The following BANP variants were observed in gnomAD, a reference collection of about 807,000 sequenced individuals.
BANP encodes BTG3 associated nuclear protein, also known as protein BANP.
In BANP, 11 loss-of-function variants were observed where a neutral mutation model predicts 68.1. The observed-to-expected ratio is 0.16, with a 90% CI of 0.10 to 0.27. BANP has a LOEUF of 0.27. BANP is among the 10% of genes least tolerant of loss of function. The probability of loss-of-function intolerance (pLI) is 1.00; values close to 1 mark genes in which losing one functional copy is unlikely to be tolerated. For synonymous variants in BANP, 329 were observed against 303.2 expected (o/e 1.09, Z -0.88); for missense variants, 504 against 722.7 (o/e 0.70, Z 3.47).
intron 9 of BANP, among the ~76,000 whole-genome samples, chr16:88,034,684 C>T (rs992500016): frequency 1.1e-4 from 16 of 152,234 alleles, no homozygotes; most frequent in Middle Eastern, 3.4e-3. Flanking sequence ...TTTCTATTTC[C>T]CCTCTTTTCT....
At chr16:87,972,579 A>G (rs1191402238) in intron 1 of BANP, among the ~76,000 whole-genome samples, 1 of 152,060 alleles carries the variant, frequency 6.6e-6, no homozygotes, top group African/African-American at 2.4e-5. Context: ...TCATTTTTAT[A>G]TGATTTTTGC....
At chr16:87,991,077 G>C (rs2065790060) in intron 4 of BANP, among the ~76,000 whole-genome samples, 1 of 152,190 alleles carries the variant, frequency 6.6e-6, no homozygotes, top group Non-Finnish European at 1.5e-5. Context: ...CATACTTTAA[G>C]TGACCTAATA....
At chr16:87,962,083 A>T (rs541140382) in intron 1 of BANP, among the ~76,000 whole-genome samples, 1 of 151,334 alleles carries the variant, frequency 6.6e-6, no homozygotes, top group Non-Finnish European at 1.5e-5. Flanking sequence ...TACTAAAAAT[A>T]CAAAAAATTA....
chr16:87,996,830 C>T (rs1054665112), intron 4 of BANP, among the ~76,000 whole-genome samples: 2 of 152,214 alleles, frequency 1.3e-5, no homozygotes, highest in African/African-American at 4.8e-5. Context: ...TGTAATAAAA[C>T]ATGGCAAACA....
chr16:88,070,902 T>C (rs899159739), intron 12 of BANP, among the ~76,000 whole-genome samples: 4 of 152,278 alleles, frequency 2.6e-5, no homozygotes, highest in Admixed American at 1.3e-4. Flanking sequence ...AAAAGGCTTG[T>C]CTTCTAGCAT....
intron 11 of BANP, among the ~76,000 whole-genome samples, chr16:88,041,498 A>G (rs552961383): frequency 1.2e-4 from 18 of 152,348 alleles, no homozygotes; most frequent in African/African-American, 4.3e-4. Context: ...AGTAGAAAAT[A>G]TGAAGAATCG....
chr16:87,969,534 C>CTT (rs71156276), intron 1 of BANP, among the ~76,000 whole-genome samples: 1,801 of 138,978 alleles, frequency 0.013, 31 homozygotes, highest in African/African-American at 0.027. Flanking sequence ...TCGAGATTGA[C>CTT]TTTTTTTTTT....
rs78951802 is a variant in BANP, at chr16:87,997,369, A to G, written c.363-6926A>G. The stretch of plus-strand genomic sequence containing the variant: ...AGGATCATTGCTGTTCTTGTCCAGC[A>G]AGTGACTAAAAGCATGAGAAATACT... On this transcript the variant is annotated intron_variant, in intron 4 of 13. Coordinates refer to ENST00000682872, the MANE Select transcript of BANP (RefSeq NM_001386991.1). Among the ~76,000 whole-genome samples, 710 of 152,402 alleles carry G rather than the reference A, an allele frequency of 4.7e-3. 6 individuals are homozygous for G. The highest frequency in any genetic ancestry group is 0.017 in the African/African-American group (689 of 41,598).
At chr16:88,054,694 C>T (rs1054746612) in intron 11 of BANP, among the ~76,000 whole-genome samples, 5 of 152,194 alleles carry the variant, frequency 3.3e-5, no homozygotes, top group African/African-American at 9.7e-5. Context: ...CTCTTCCTGT[C>T]GAGACTGAAA....
chr16:88,032,399 A>T (rs898962445), intron 8 of BANP, among the ~76,000 whole-genome samples: 29 of 151,908 alleles, frequency 1.9e-4, no homozygotes, highest in African/African-American at 7.0e-4. Flanking sequence ...ATGGGGTTTC[A>T]CCATGTTGGC....
intron 7 of BANP, among the ~76,000 whole-genome samples, chr16:88,023,018 C>G (rs999473453): frequency 6.6e-6 from 1 of 152,176 alleles, no homozygotes; most frequent in Non-Finnish European, 1.5e-5. Flanking sequence ...CACGGGTGGT[C>G]AGGTGCTGTC....
Position 88,064,912 on chromosome 16 carries a change from A to G in BANP, c.1312-355A>G, listed in dbSNP as rs543536823. On this transcript the variant is annotated intron_variant, in intron 11 of 13. Transcript: ENST00000682872. This position sits in a 1 kb window ranked among gnomAD's most constrained non-coding sequence, Gnocchi z 4.5. ...CAGGGGAACACGAGTCATAGAGGACATTTCATTTTTTTTCTCCTCCAATTT... is the reference window on the plus strand; with the variant it reads ...CAGGGGAACACGAGTCATAGAGGACGTTTCATTTTTTTTCTCCTCCAATTT... Among the ~76,000 whole-genome samples, 8 of 152,262 alleles carry G rather than the reference A, an allele frequency of 5.3e-5. No individual in the cohort carries two copies. In the East Asian group the frequency reaches 1.4e-3, roughly 26 times the overall value.
intron 11 of BANP, among the ~76,000 whole-genome samples, chr16:88,056,158 G>A (rs954071498): frequency 6.6e-6 from 1 of 152,226 alleles, no homozygotes; most frequent in Non-Finnish European, 1.5e-5. Flanking sequence ...AGGGGTCCTT[G>A]TGGCCCCTAA....
intron 11 of BANP, among the ~76,000 whole-genome samples, chr16:88,049,500 C>T (rs925795728): frequency 6.6e-6 from 1 of 152,088 alleles, no homozygotes; most frequent in Non-Finnish European, 1.5e-5. Context: ...AGCATTCCTT[C>T]CCCAGGGTCT....
At chr16:88,026,409 G>A (rs1178351695) in intron 7 of BANP, among the ~76,000 whole-genome samples, 1 of 152,234 alleles carries the variant, frequency 6.6e-6, no homozygotes, top group Non-Finnish European at 1.5e-5. Flanking sequence ...CTTGCAGTCC[G>A]TTGTCATCAC....
rs115031651 is a variant in BANP at position 87,972,982 on chromosome 16, C to A, written c.-68-2066C>A. On this transcript the variant is annotated intron_variant, in intron 1 of 13. Transcript: ENST00000682872. ...GGCTCCTGCTTCCCTTTGCTTCCTCCATCCTATGCCCGTGTGCCATGCTGA... is the reference window on the plus strand; with the variant it reads ...GGCTCCTGCTTCCCTTTGCTTCCTCAATCCTATGCCCGTGTGCCATGCTGA... Among the ~76,000 whole-genome samples, 1,042 of 152,136 alleles carry A rather than the reference C, an allele frequency of 6.8e-3. 11 individuals are homozygous for A. Among genetic ancestry groups the A allele is most frequent in the African/African-American group, 0.023 (969 of 41,494 alleles).
intron 4 of BANP, among the ~76,000 whole-genome samples, chr16:88,001,526 TAAAA>T (rs2069340727): frequency 6.6e-6 from 1 of 152,216 alleles, no homozygotes; most frequent in Non-Finnish European, 1.5e-5. Context: ...TTCCATAATT[TAAAA>T]AAAGTATTCT....
chr16:87,962,338 C>T (rs963242113), intron 1 of BANP, among the ~76,000 whole-genome samples: 8 of 151,016 alleles, frequency 5.3e-5, no homozygotes, highest in Non-Finnish European at 8.8e-5. Flanking sequence ...AGTAAGACAG[C>T]GTTAATATGT....
chr16:87,978,388 C>T (rs1433685114), intron 2 of BANP: 1 of 264,458 alleles, frequency 3.8e-6, no homozygotes, highest in African/African-American at 2.2e-5. Flanking sequence ...TTCTTCTCAG[C>T]AAACTAAAAG....
Sources: allele counts gnomAD v4.1 joint callset (sites outside exome capture counted in the v4.1 genomes callset), GRCh38; gene constraint gnomAD v4.1.1; non-coding constraint Gnocchi (gnomAD v3.1); transcripts MANE v1.5; gene names NCBI Gene and HGNC (gene_info 2026-07-23, HGNC 2026-07-21).